Variants in PIK3C3 observed in about 807,000 individuals in gnomAD.
PIK3C3 encodes PI3-kinase type 3.
Under a neutral mutation model 126.1 loss-of-function variants are expected in PIK3C3, and 95 were observed. That is an observed-to-expected ratio of 0.75 (90% CI 0.64 to 0.89). The LOEUF is 0.89. Among genes scored for constraint, PIK3C3 ranks in the 40% least tolerant of loss-of-function variants. The pLI, the probability that PIK3C3 is intolerant of heterozygous loss-of-function variation, is 0.00. For synonymous variants in PIK3C3, 374 were observed against 360.0 expected (o/e 1.04, Z -0.44); for missense variants, 829 against 1,063.2 (o/e 0.78, Z 3.06).
At chr18:42,028,659 T>C (rs1295967492) in intron 14 of PIK3C3, among the ~76,000 whole-genome samples, 1 of 152,248 alleles carries the variant, frequency 6.6e-6, no homozygotes, top group Non-Finnish European at 1.5e-5. Flanking sequence ...TCGTTTCTGT[T>C]ACAGCCTTTG....
At chr18:42,005,093 T>G (rs1160109469) in intron 10 of PIK3C3, among the ~76,000 whole-genome samples, 1 of 152,216 alleles carries the variant, frequency 6.6e-6, no homozygotes, top group Non-Finnish European at 1.5e-5. Flanking sequence ...AACTATATGC[T>G]GGCTATTTAT....
At chr18:41,964,062 T>A (rs1261042474) in intron 3 of PIK3C3, among the ~76,000 whole-genome samples, 3 of 152,140 alleles carry the variant, frequency 2.0e-5, no homozygotes, top group Admixed American at 1.3e-4. Context: ...CATTTAAGAT[T>A]CTTTAAAATG....
chr18:42,038,562 T>C (rs2144465440), intron 17 of PIK3C3, among the ~76,000 whole-genome samples: 1 of 152,212 alleles, frequency 6.6e-6, no homozygotes, highest in African/African-American at 2.4e-5. Context: ...CAGGCTGATC[T>C]TGAACTCCTG....
At chr18:42,064,651 G>A in intron 22 of PIK3C3, 89 bp from the exon 23 acceptor site, 1 of 665,320 alleles carries the variant, frequency 1.5e-6, no homozygotes, top group Non-Finnish European at 2.7e-6. Context: ...AGAAATCCAA[G>A]TACCACTACT....
chr18:42,028,392 C>G (rs181916373), intron 14 of PIK3C3, among the ~76,000 whole-genome samples: 149 of 152,156 alleles, frequency 9.8e-4, no homozygotes, highest in African/African-American at 3.2e-3. Flanking sequence ...TTCCTGTGTT[C>G]GATTCTTAAA....
intron 22 of PIK3C3, among the ~76,000 whole-genome samples, chr18:42,058,623 C>T (rs1288454154): frequency 6.6e-6 from 1 of 152,166 alleles, no homozygotes; most frequent in Non-Finnish European, 1.5e-5. Flanking sequence ...CTCTTTTTAA[C>T]ACCTCATCAG....
intron 24 of PIK3C3, among the ~76,000 whole-genome samples, chr18:42,072,787 C>T (rs1174686163): frequency 3.3e-5 from 5 of 152,134 alleles, no homozygotes; most frequent in African/African-American, 7.2e-5. Flanking sequence ...CCTCCTGCCT[C>T]GGCCTTTTGA....
At chr18:41,955,417 G>A (rs1164851084) in intron 1 of PIK3C3, 58 bp downstream of exon 1, 1 of 1,424,096 alleles carries the variant, frequency 7.0e-7, no homozygotes, top group Admixed American at 1.7e-5. Flanking sequence ...CGTGGGGGCA[G>A]GGGCCTGTTG....
chr18:41,962,438 G>C, intron 2 of PIK3C3, 51 bp from the exon 3 acceptor site: 1 of 1,327,572 alleles, frequency 7.5e-7, no homozygotes, highest in Non-Finnish European at 9.7e-7. Context: ...TAATTTAAAA[G>C]AAAGATATAT....
chr18:42,016,778 G>A (rs1054997030), intron 12 of PIK3C3, among the ~76,000 whole-genome samples: 1 of 152,024 alleles, frequency 6.6e-6, no homozygotes, highest in African/African-American at 2.4e-5. Context: ...CAGAAGATTG[G>A]ATCCAGGAGA....
At chr18:42,029,913 T>C (rs924598656) in intron 15 of PIK3C3, among the ~76,000 whole-genome samples, 5 of 152,110 alleles carry the variant, frequency 3.3e-5, no homozygotes, top group Non-Finnish European at 7.3e-5. Context: ...TATATTGATA[T>C]GATATTTAAT....
At chr18:42,038,612 G>T (rs1984168006) in intron 17 of PIK3C3, among the ~76,000 whole-genome samples, 169 bp from the exon 18 acceptor site, 1 of 152,070 alleles carries the variant, frequency 6.6e-6, no homozygotes, top group Admixed American at 6.6e-5. Flanking sequence ...CCAAAGTGCT[G>T]GGATTACAGT....
At chr18:42,039,778 CAAGTGAAGCT>C (rs1567995732) in intron 18 of PIK3C3, among the ~76,000 whole-genome samples, 1 of 152,156 alleles carries the variant, frequency 6.6e-6, no homozygotes, top group Non-Finnish European at 1.5e-5. Context: ...AGTATTTACC[CAAGTGAAGCT>C]TATAAGCTTT....
chr18:41,961,892 G>A (rs1264562871), intron 2 of PIK3C3, among the ~76,000 whole-genome samples: 1 of 152,088 alleles, frequency 6.6e-6, no homozygotes, highest in African/African-American at 2.4e-5. Flanking sequence ...ATACAGATGT[G>A]CTTTGAAAGC....
chr18:42,013,628 G>A (rs2144403595), intron 11 of PIK3C3, 32 bp downstream of exon 11: 2 of 1,491,834 alleles, frequency 1.3e-6, no homozygotes, highest in East Asian at 4.6e-5. Flanking sequence ...ATATTTTCTA[G>A]TTTGTTAATT....
At chr18:42,079,891 A>C (rs536633320) in intron 24 of PIK3C3, among the ~76,000 whole-genome samples, 1 of 151,984 alleles carries the variant, frequency 6.6e-6, no homozygotes, top group South Asian at 2.1e-4. Flanking sequence ...ACCTCCAGGC[A>C]ACACACCTCT....
chr18:42,001,444 T>A (rs1219130161), intron 9 of PIK3C3, among the ~76,000 whole-genome samples: 1 of 152,210 alleles, frequency 6.6e-6, no homozygotes, highest in Admixed American at 6.5e-5. Context: ...GAGAGAGAAT[T>A]GCTCTTTACA....
intron 4 of PIK3C3, among the ~76,000 whole-genome samples, chr18:41,981,629 A>T (rs1981203568): frequency 6.6e-6 from 1 of 152,080 alleles, no homozygotes; most frequent in South Asian, 2.1e-4. Context: ...CAAATAAATT[A>T]TTTTATACAA....
chr18:41,969,874 C>T (rs1039927509), intron 3 of PIK3C3, among the ~76,000 whole-genome samples: 5 of 152,146 alleles, frequency 3.3e-5, no homozygotes, highest in Admixed American at 3.3e-4. Context: ...AATAGCACAG[C>T]TGTGATTCAA....
Sources: allele counts gnomAD v4.1 joint callset (sites outside exome capture counted in the v4.1 genomes callset), GRCh38; gene constraint gnomAD v4.1.1; transcripts MANE v1.5; gene names NCBI Gene and HGNC (gene_info 2026-07-23, HGNC 2026-07-21).